The following LRBA variants were observed in gnomAD, a reference collection of about 807,000 sequenced individuals.
LRBA encodes LPS responsive beige-like anchor protein, also known as lipopolysaccharide-responsive and beige-like anchor protein.
A neutral mutation model predicts 330.0 loss-of-function variants in LRBA; 176 were observed. The observed-to-expected ratio is 0.53, with a 90% CI of 0.47 to 0.60. The LOEUF (loss-of-function observed/expected upper bound fraction) is 0.60. LRBA is among the 20% of genes least tolerant of loss of function. LRBA has a pLI of 0.00. For missense variants in LRBA, 3,259 were observed against 3,444.8 expected, an observed-to-expected ratio of 0.95 and a Z score of 1.35; for synonymous variants, 1,230 against 1,193.0, an observed-to-expected ratio of 1.03 and a Z score of -0.64.
At chr4:151,005,021 G>A (rs1284019892) in intron 2 of LRBA, among the ~76,000 whole-genome samples, 1 of 152,082 alleles carries the variant, frequency 6.6e-6, no homozygotes, top group Non-Finnish European at 1.5e-5. Flanking sequence ...AGGGAAAAAA[G>A]ATAAGAAGTG....
chr4:150,835,820 C>A (rs1198126525), intron 28 of LRBA, among the ~76,000 whole-genome samples: 1 of 152,134 alleles, frequency 6.6e-6, no homozygotes, highest in Non-Finnish European at 1.5e-5. Context: ...TTGCCCTGGC[C>A]AGAACTTCCA....
chr4:150,471,595 A>C, intron 43 of LRBA, 29 bp downstream of exon 43: 1 of 1,215,386 alleles, frequency 8.2e-7, no homozygotes, highest in Non-Finnish European at 1.2e-6. Flanking sequence ...TTATTGTCTA[A>C]AATAAATCAA....
At chr4:150,269,557 C>G (rs1435019172) in intron 56 of LRBA, among the ~76,000 whole-genome samples, 1 of 152,154 alleles carries the variant, frequency 6.6e-6, no homozygotes, top group East Asian at 1.9e-4. Context: ...ACCTTCATGA[C>G]CTTGGATTTT....
At chr4:150,693,100 G>A (rs935434493) in intron 36 of LRBA, among the ~76,000 whole-genome samples, 6 of 152,126 alleles carry the variant, frequency 3.9e-5, no homozygotes, top group African/African-American at 1.4e-4. Flanking sequence ...CCTATCAACA[G>A]TAGAAAGAGG....
chr4:150,358,313 C>A (rs1738168860), intron 47 of LRBA, among the ~76,000 whole-genome samples: 2 of 151,988 alleles, frequency 1.3e-5, no homozygotes, highest in African/African-American at 4.8e-5. Flanking sequence ...GGACTAATAA[C>A]CTCCTAAGAA....
At chr4:150,728,569 C>A (rs1266931678) in intron 36 of LRBA, among the ~76,000 whole-genome samples, 3 of 150,980 alleles carry the variant, frequency 2.0e-5, no homozygotes, top group Non-Finnish European at 4.4e-5. Context: ...CAATGTGATA[C>A]ATGATATCAA....
chr4:150,867,897 GA>G (rs747454392), intron 21 of LRBA, 34 bp from the exon 22 acceptor site: 298 of 1,465,130 alleles, frequency 2.0e-4, no homozygotes, highest in South Asian at 4.4e-4. Flanking sequence ...AATTACTGAA[GA>G]AAAAAAAATT....
intron 35 of LRBA, among the ~76,000 whole-genome samples, chr4:150,750,240 C>A (rs1733352083): frequency 6.6e-6 from 1 of 152,150 alleles, no homozygotes; most frequent in Admixed American, 6.5e-5. Flanking sequence ...TTTGTTCTCT[C>A]CTTTATGACA....
At chr4:150,500,513 G>A (rs750504669) in intron 40 of LRBA, among the ~76,000 whole-genome samples, 3 of 152,134 alleles carry the variant, frequency 2.0e-5, no homozygotes, top group African/African-American at 4.8e-5. Context: ...GGGAGGCGGA[G>A]GTTGCAGTGA....
chr4:150,571,127 ACTG>A (rs1769785234), intron 40 of LRBA, among the ~76,000 whole-genome samples: 1 of 152,026 alleles, frequency 6.6e-6, no homozygotes, highest in African/African-American at 2.4e-5. Context: ...TTACACTGTC[ACTG>A]CTGATTAGGA....
chr4:150,581,930 G>C (rs1471448782), intron 40 of LRBA: 1 of 149,690 alleles, frequency 6.7e-6, no homozygotes, highest in Non-Finnish European at 1.5e-5. Flanking sequence ...GCGAGGGAGA[G>C]AGAGAAAGAA....
chr4:150,867,112 TAAAAAA>T (rs202028551), intron 22 of LRBA, among the ~76,000 whole-genome samples: 1 of 122,772 alleles, frequency 8.1e-6, no homozygotes, highest in African/African-American at 3.0e-5. Context: ...TGGCTTAATT[TAAAAAA>T]AAAAAAAAAA....
chr4:150,418,229 G>C (rs971981034), intron 46 of LRBA, among the ~76,000 whole-genome samples: 9 of 151,842 alleles, frequency 5.9e-5, no homozygotes, highest in African/African-American at 2.2e-4. Flanking sequence ...TGTTGCCCAG[G>C]CTAGTCTCAA....
At chr4:150,584,055 C>T (rs562705013) in intron 40 of LRBA, 1 of 1,582,738 alleles carries the variant, frequency 6.3e-7, no homozygotes, top group Admixed American at 1.8e-5. Context: ...CCAAGCAGAC[C>T]TGGAGGTTGG....
In LRBA at chr4:150,474,694, A is replaced by T. The variant is rs145800087; in HGVS notation, c.6552-2955T>A. On this transcript the variant is annotated intron_variant, in intron 42 of 56. Coordinates refer to ENST00000651943, the MANE Select transcript of LRBA (RefSeq NM_001364905.1). ...ATGTTTTATACTTTTCATTGTACAA[A>T]TCTTACACTTCTGTGATCTGTAAAG... 2.9e-3 allele frequency among the ~76,000 whole-genome samples: 443 copies of T among 152,274 alleles called. 1 individual carries two copies. The highest frequency in any genetic ancestry group is 0.01 in the African/African-American group (416 of 41,568).
chr4:150,648,957 T>C (rs990447232), intron 37 of LRBA, among the ~76,000 whole-genome samples: 1 of 152,132 alleles, frequency 6.6e-6, no homozygotes, highest in Admixed American at 6.5e-5. Flanking sequence ...TGGCCCCCAC[T>C]TTCTCCATGC....
In LRBA at chr4:150,704,224, T is replaced by C. The variant is rs184652435; in HGVS notation, c.5755-20507A>G. ...GCCAGACGCCGACTCAAAACAATTA[T>C]GTGTGTATTTTATATTTGTTTTATA... is the stretch of plus-strand genomic sequence containing the variant. On this transcript the variant is annotated intron_variant, in intron 36 of 56. Transcript: ENST00000651943. 7.8e-3 allele frequency among the ~76,000 whole-genome samples: 1,185 copies of C among 152,134 alleles called. 12 individuals carry two copies. Among genetic ancestry groups the C allele is most frequent in the African/African-American group, 0.027 (1,129 of 41,522 alleles).
chr4:150,370,984 C>A (rs887006359), intron 47 of LRBA, among the ~76,000 whole-genome samples: 1 of 151,878 alleles, frequency 6.6e-6, no homozygotes, highest in Non-Finnish European at 1.5e-5. Flanking sequence ...AGTATGGAAC[C>A]CAAAAGAAGG....
chr4:150,809,906 ATACGATACG>A lies in LRBA; in HGVS notation c.5306-1517_5306-1509del. Among the ~76,000 whole-genome samples the A allele has an allele frequency of 2.0e-5, 3 of 147,050 alleles. No individual in the cohort carries two copies. The South Asian group carries it at 6.5e-4, about 32-fold the overall frequency. ...ATACGATACGATACGATACGATACG[ATACGATACG>A]ATACGATACGATACGATACTTCCCT... On this transcript the variant is annotated intron_variant, in intron 31 of 56. Transcript: ENST00000651943.
Sources: allele counts gnomAD v4.1 joint callset (sites outside exome capture counted in the v4.1 genomes callset), GRCh38; gene constraint gnomAD v4.1.1; transcripts MANE v1.5; gene names NCBI Gene and HGNC (gene_info 2026-07-23, HGNC 2026-07-21).